Variants in ANO1 observed in about 807,000 individuals in gnomAD.
ANO1 encodes anoctamin 1.
In ANO1, 59 loss-of-function variants were observed where a neutral mutation model predicts 124.0. That is an observed-to-expected ratio of 0.48 (90% CI 0.39 to 0.59). The LOEUF (loss-of-function observed/expected upper bound fraction) is 0.59, where lower values mean the gene tolerates loss of function less well. ANO1 is among the 20% of genes least tolerant of loss of function. The pLI is 0.00. For missense variants in ANO1, 1,059 were observed against 1,328.0 expected (o/e 0.80, Z 3.15); for synonymous variants, 529 against 532.0 (o/e 0.99, Z 0.08).
chr11:70,066,736 T>A (rs7942534), intron 1 of ANO1, among the ~76,000 whole-genome samples: 1 of 151,802 alleles, frequency 6.6e-6, no homozygotes, highest in South Asian at 2.1e-4. Context: ...GCAGGGATGC[T>A]GCCAGCTCCA....
At chr11:70,111,817 G>A (rs374926603) in intron 7 of ANO1, 55 bp downstream of exon 7, 118 of 1,573,506 alleles carry the variant, frequency 7.5e-5, no homozygotes, top group East Asian at 4.0e-4. Context: ...CCCAAATCCC[G>A]CCGGGCCACA....
At chr11:69,987,201 C>T (rs1330867838) in intron 1 of ANO1, among the ~76,000 whole-genome samples, 1 of 152,186 alleles carries the variant, frequency 6.6e-6, no homozygotes, top group African/African-American at 2.4e-5. Flanking sequence ...AAAACCTGGG[C>T]GCTGAAGTGG....
At chr11:69,975,444 G>A in the ANO1 span, among the ~76,000 whole-genome samples, 6,982 of 152,312 alleles carry the variant, frequency 0.046, 261 homozygotes, top group African/African-American at 0.1. Flanking sequence ...TCTTTGAAGC[G>A]GGGGATGAGG....
intron 1 of ANO1, among the ~76,000 whole-genome samples, chr11:70,057,175 T>C (rs1416178196): frequency 3.9e-5 from 6 of 152,230 alleles, no homozygotes; most frequent in South Asian, 4.1e-4. Context: ...TCCTGGCATG[T>C]GTGGTGATTT....
Position 70,185,687 on chromosome 11 carries a change from G to C in ANO1, c.2686G>C (p.Val896Leu), listed in dbSNP as rs374804618. 1.2e-6 allele frequency: 2 copies of C among 1,613,804 alleles called. No individual in the cohort carries two copies. The highest frequency in any genetic ancestry group is 4.5e-5 in the East Asian group (2 of 44,876). The part of the protein sequence containing the change: ...VLAARLAFVI[V>L]FQNLVMFMSD... The stretch of plus-strand genomic sequence containing the variant: ...GGCAGCCCGGCTGGCGTTTGTCATC[G>C]TCTTCCAGGTGCGGTGGGTCCCTCT... The change falls in exon 25 of 26, where the codon GTC becomes CTC. Residue 896 changes from valine to leucine, a missense_variant. Transcript: ENST00000355303.
rs2044441347 is a variant in ANO1 at position 70,087,747 on chromosome 11, C to G, written c.109-5C>G. 1 of 1,584,056 alleles carries G rather than the reference C, an allele frequency of 6.3e-7. No individual in the cohort carries two copies. The highest frequency in any genetic ancestry group is 8.6e-7 in the Non-Finnish European group (1 of 1,163,006). On this transcript the variant is annotated splice_polypyrimidine_tract_variant and splice_region_variant and intron_variant, in intron 1 of 25. Transcript: ENST00000355303. ...GTGAATGGGTGTCTTTTCTTCCACC[C>G]TTAGCTGCTGAACTCCTTATCTGTG...
intron 1 of ANO1, among the ~76,000 whole-genome samples, chr11:70,026,293 G>A (rs1016781092): frequency 6.6e-6 from 1 of 150,968 alleles, no homozygotes; most frequent in Non-Finnish European, 1.5e-5. Flanking sequence ...TGATCATAAT[G>A]ATGGTGGTAG....
At chr11:70,093,214 T>A (rs563751102) in intron 2 of ANO1, among the ~76,000 whole-genome samples, 1 of 145,934 alleles carries the variant, frequency 6.9e-6, no homozygotes, top group South Asian at 2.2e-4. Flanking sequence ...CTTCCCCCTC[T>A]CTCTCTCTTC....
intron 23 of ANO1, among the ~76,000 whole-genome samples, chr11:70,181,495 CGCAGGGCCCTGAG>C (rs533171016): frequency 2.6e-5 from 4 of 152,352 alleles, no homozygotes; most frequent in Admixed American, 6.5e-5. Flanking sequence ...GACAAAGGCG[CGCAGGGCCCTGAG>C]GCAGGGCCCA....
intron 8 of ANO1, among the ~76,000 whole-genome samples, chr11:70,120,791 C>T (rs537446142): frequency 1.3e-5 from 2 of 152,260 alleles, no homozygotes; most frequent in South Asian, 2.1e-4. Flanking sequence ...ACAAGAGAGA[C>T]GCCTGAGGGT....
chr11:70,078,628 T>C lies in ANO1; in HGVS notation c.22T>C (p.Ser8Pro). ...CACGATGAGGGTCAACGAGAAGTACTCGACGCTCCCGGCCGAGGACCGCAG... is the reference window on the plus strand; with the variant it reads ...CACGATGAGGGTCAACGAGAAGTACCCGACGCTCCCGGCCGAGGACCGCAG... MRVNEKY[S>P]TLPAEDRSVH... Residue 8 changes from serine to proline, a missense_variant, in exon 1 of 26, where the codon TCG (serine) becomes CCG (proline). By Grantham distance (74) the Ser-to-Pro change is moderately conservative. Around this residue, in one of 2 missense-constraint regions of ANO1, gnomAD observed 250 missense variants for 233.1 expected, o/e 1.07. Coordinates refer to ENST00000355303, the MANE Select transcript of ANO1 (RefSeq NM_018043.7). 6.7e-7 allele frequency: 1 copy of C among 1,498,788 alleles called. No homozygotes were observed. The highest frequency in any genetic ancestry group is 9.0e-7 in the Non-Finnish European group (1 of 1,114,834). The allele number at this position is 1,498,788 out of a possible 1,614,324, so 92.8% of individuals were successfully genotyped here. A position where few individuals can be genotyped will look rare whatever the true frequency, so the allele number is the denominator to read the frequency against.
chr11:70,050,183 C>T lies in ANO1; in HGVS notation c.59-28359C>T, dbSNP rs1408639465. Among the ~76,000 whole-genome samples, 9 of 152,262 alleles carry T rather than the reference C, an allele frequency of 5.9e-5. No individual in the cohort carries two copies. In the East Asian group the frequency reaches 1.7e-3, roughly 29 times the overall value. ...CACCTGGAAACCCCTGTATCCTATT[C>T]GGGGTGCAAGATACATAATGACAAA... On this transcript the variant is annotated intron_variant, in intron 1 of 27. Transcript: ENST00000531349.
intron 11 of ANO1, among the ~76,000 whole-genome samples, chr11:70,146,264 T>C (rs2047373964): frequency 6.6e-6 from 1 of 152,232 alleles, no homozygotes; most frequent in Non-Finnish European, 1.5e-5. Flanking sequence ...ATCTCAGTTT[T>C]GTAAATGGTC....
At chr11:70,035,520 C>CTATATATATA (rs34200982) in intron 1 of ANO1, among the ~76,000 whole-genome samples, 6,248 of 147,564 alleles carry the variant, frequency 0.042, 256 homozygotes, top group Admixed American at 0.1. Context: ...TAAGCTGTTG[C>CTATATATATA]TATATATATA....
Position 69,995,404 on chromosome 11 carries a change from C to G in ANO1, c.58+9238C>G, listed in dbSNP as rs548700919. On this transcript the variant is annotated intron_variant, in intron 1 of 27. Coordinates refer to the ANO1 transcript ENST00000531349. Reference sequence around the variant, plus strand: ...GAGCCACCATGCCCGGCCACTGGCACGTTTTTATCTAAAGCCCATAGTGTA... The same window carrying G: ...GAGCCACCATGCCCGGCCACTGGCAGGTTTTTATCTAAAGCCCATAGTGTA... Among the ~76,000 whole-genome samples, 151 of 152,182 alleles carry G rather than the reference C, an allele frequency of 9.9e-4. 1 individual carries two copies. Among genetic ancestry groups the G allele is most frequent in the Non-Finnish European group, 1.6e-3 (106 of 68,010 alleles).
At chr11:70,174,940 G>T (rs571185446) in intron 22 of ANO1, among the ~76,000 whole-genome samples, 25 of 151,966 alleles carry the variant, frequency 1.6e-4, no homozygotes, top group Non-Finnish European at 5.9e-5. Context: ...GAAAAGAAAA[G>T]AAAAGAAGAG....
intron 22 of ANO1, among the ~76,000 whole-genome samples, chr11:70,178,592 C>T (rs1402022198): frequency 6.7e-6 from 1 of 148,852 alleles, no homozygotes; most frequent in Non-Finnish European, 1.5e-5. Flanking sequence ...GAGACAGAAC[C>T]TTTCTCTGTT....
At chr11:70,049,380 TTCC>T (rs1222907517) in intron 1 of ANO1, among the ~76,000 whole-genome samples, 2 of 152,238 alleles carry the variant, frequency 1.3e-5, no homozygotes, top group Non-Finnish European at 2.9e-5. Context: ...ATGCCTTGGT[TTCC>T]TCATCTGTCA....
rs567660905 is a variant in ANO1, at chr11:70,087,919, T to G, written c.276T>G (p.Ala92=). 1 of 1,609,028 alleles carries G rather than the reference T, an allele frequency of 6.2e-7. No homozygotes were observed. Among genetic ancestry groups the G allele is most frequent in the Non-Finnish European group, 8.5e-7 (1 of 1,178,138 alleles). Residue 92 remains alanine (A), a synonymous_variant, in exon 2 of 26, where the codon GCT becomes GCG. Coordinates refer to ENST00000355303, the MANE Select transcript of ANO1 (RefSeq NM_018043.7). Reference sequence around the variant, plus strand: ...AGCACAGCGACACCCCCTCTGGGGCTCGCAGCGTCAAGCAGGACCACCCCC... The same window carrying G: ...AGCACAGCGACACCCCCTCTGGGGCGCGCAGCGTCAAGCAGGACCACCCCC... ...RVQHSDTPSG[A]RSVKQDHPLP... is the part of the protein sequence containing the mutation.
Sources: gnomAD v4.1 joint callset for allele counts (sites outside exome capture counted in the v4.1 genomes callset) on GRCh38, gnomAD v4.1.1 for gene constraint, gnomAD v4.1.1 regional missense constraint, MANE v1.5 for transcripts, NCBI Gene and HGNC (gene_info 2026-07-23, HGNC 2026-07-21) for gene names.